Variants in FGF10 observed in about 807,000 individuals in gnomAD.
FGF10 encodes FGF-10.
Under a neutral mutation model 19.8 loss-of-function variants are expected in FGF10, and 2 were observed. The ratio of observed to expected loss-of-function variants is 0.10; its 90% CI spans 0.04 to 0.32. FGF10 has a LOEUF of 0.32. Ranked by LOEUF, FGF10 falls within the 10% of genes least tolerant of loss-of-function variation. The pLI, the probability that FGF10 is intolerant of heterozygous loss-of-function variation, is 1.00. For synonymous variants in FGF10, 112 were observed against 94.0 expected (o/e 1.19, Z -1.10); for missense variants, 191 against 246.3 (o/e 0.78, Z 1.50).
intron 1 of FGF10, among the ~76,000 whole-genome samples, chr5:44,315,030 T>C (rs1364363578): frequency 6.6e-6 from 1 of 151,990 alleles, no homozygotes; most frequent in African/African-American, 2.4e-5. Flanking sequence ...ATAGACTGAG[T>C]AAATTAATTC....
chr5:44,311,371 A>G (rs1306536613), intron 1 of FGF10, among the ~76,000 whole-genome samples: 1 of 152,096 alleles, frequency 6.6e-6, no homozygotes, highest in Non-Finnish European at 1.5e-5. Flanking sequence ...AAGAAGACCT[A>G]GGGAACTAAA....
chr5:44,339,073 G>C (rs73752003), intron 1 of FGF10, among the ~76,000 whole-genome samples: 1 of 152,026 alleles, frequency 6.6e-6, no homozygotes, highest in Non-Finnish European at 1.5e-5. Flanking sequence ...TTCTAAAAGC[G>C]ATCAAAGCAC....
In FGF10 at chr5:44,302,416, T is replaced by C. The variant is rs1412333643; in HGVS notation, c.*2579A>G. Among the ~76,000 whole-genome samples the C allele has an allele frequency of 6.6e-6, 1 of 151,934 alleles. No individual in the cohort carries two copies. The highest frequency in any genetic ancestry group is 1.9e-4 in the East Asian group (1 of 5,186). On this transcript the variant is annotated 3_prime_UTR_variant, in exon 3 of 3. Transcript: ENST00000264664. ...CTTTTTCACCCAGGCTGGAGTGCAA[T>C]GGCAAGATTATAGCTCACTGCAGCC...
At chr5:44,340,967 C>A (rs543764729) in intron 1 of FGF10, among the ~76,000 whole-genome samples, 1 of 151,990 alleles carries the variant, frequency 6.6e-6, no homozygotes, top group East Asian at 1.9e-4. Flanking sequence ...ATGAGAACCA[C>A]CCCCAAGTTA....
intron 1 of FGF10, among the ~76,000 whole-genome samples, chr5:44,352,447 T>C (rs997935925): frequency 1.3e-5 from 2 of 151,518 alleles, no homozygotes; most frequent in African/African-American, 4.8e-5. Flanking sequence ...CCACTGTGCA[T>C]TTCGGGAACT....
intron 1 of FGF10, among the ~76,000 whole-genome samples, chr5:44,340,425 C>T (rs1049361265): frequency 6.6e-6 from 1 of 151,914 alleles, no homozygotes; most frequent in Non-Finnish European, 1.5e-5. Flanking sequence ...GATACAGCAC[C>T]AACCTAATAG....
chr5:44,344,091 G>C (rs538570957), intron 1 of FGF10, among the ~76,000 whole-genome samples: 2 of 151,962 alleles, frequency 1.3e-5, no homozygotes, highest in East Asian at 3.9e-4. Flanking sequence ...CCAGACATAG[G>C]GGCCAACAGA....
chr5:44,340,415 G>T (rs1476773605), intron 1 of FGF10, among the ~76,000 whole-genome samples: 2 of 151,856 alleles, frequency 1.3e-5, no homozygotes, highest in African/African-American at 4.8e-5. Context: ...TTTTAAAAAA[G>T]ATACAGCACC....
In FGF10 at chr5:44,328,944, C is replaced by T. The variant is rs181992527; in HGVS notation, c.326-18414G>A. Among the ~76,000 whole-genome samples the T allele has an allele frequency of 3.9e-5, 6 of 152,196 alleles. No homozygotes were observed. In the East Asian group the frequency reaches 9.7e-4, roughly 25 times the overall value. On this transcript the variant is annotated intron_variant, in intron 1 of 2. Transcript: ENST00000264664. ...CCCAGGAGTTTGAAGCTGCAGTGAG[C>T]CACGATTGCACCATTACAATCCAGC...
chr5:44,348,610 T>C (rs1166999617), intron 1 of FGF10, among the ~76,000 whole-genome samples: 1 of 151,588 alleles, frequency 6.6e-6, no homozygotes, highest in African/African-American at 2.4e-5. Flanking sequence ...AGCAGGTTCC[T>C]AGACTTAGCA....
At chr5:44,340,432 A>AAAAATTTTAAAATATTTCTT (rs1453841929) in intron 1 of FGF10, among the ~76,000 whole-genome samples, 2 of 152,152 alleles carry the variant, frequency 1.3e-5, no homozygotes, top group African/African-American at 4.8e-5. Context: ...CACCAACCTA[A>AAAAATTTTAAAATATTTCTT]TAGAAAAATA....
intron 2 of FGF10, among the ~76,000 whole-genome samples, chr5:44,306,556 C>G (rs778405316): frequency 1.1e-4 from 16 of 152,208 alleles, no homozygotes; most frequent in Non-Finnish European, 2.4e-4. Flanking sequence ...CAGTTGAGGA[C>G]TGTACTTGGC....
chr5:44,382,716 G>T (rs1252525576), intron 1 of FGF10, among the ~76,000 whole-genome samples: 1 of 152,060 alleles, frequency 6.6e-6, no homozygotes, highest in Non-Finnish European at 1.5e-5. Flanking sequence ...AATGACTTGA[G>T]ACAAAATGAA....
intron 1 of FGF10, among the ~76,000 whole-genome samples, chr5:44,323,665 T>G (rs993839151): frequency 1.3e-5 from 2 of 152,176 alleles, no homozygotes; most frequent in African/African-American, 4.8e-5. Flanking sequence ...AAGTCTTGAG[T>G]TAACAAACTA....
chr5:44,337,134 A>G, intron 1 of FGF10, among the ~76,000 whole-genome samples: 1 of 151,920 alleles, frequency 6.6e-6, no homozygotes, highest in African/African-American at 2.4e-5. Context: ...ATGTTATTAC[A>G]TTTTTTTTCT....
Position 44,364,952 on chromosome 5 carries a change from G to T in FGF10, c.325+23406C>A, listed in dbSNP as rs137999801. 2.6e-5 allele frequency among the ~76,000 whole-genome samples: 4 copies of T among 151,944 alleles called. No individual in the cohort carries two copies. The East Asian group carries it at 7.8e-4, about 30-fold the overall frequency. On this transcript the variant is annotated intron_variant, in intron 1 of 2. Coordinates refer to ENST00000264664, the MANE Select transcript of FGF10 (RefSeq NM_004465.2). The stretch of plus-strand genomic sequence containing the variant: ...TACTGAGGAGAAACCAAGGCAAAAT[G>T]AGCTAAAATGAGAGAATAAGAGATA...
At chr5:44,323,954 A>T (rs916459278) in intron 1 of FGF10, among the ~76,000 whole-genome samples, 9 of 152,126 alleles carry the variant, frequency 5.9e-5, no homozygotes, top group Non-Finnish European at 1.3e-4. Context: ...AGAGAGTTTT[A>T]AAAATGCAAA....
At chr5:44,356,061 G>T (rs1040240172) in intron 1 of FGF10, among the ~76,000 whole-genome samples, 3 of 151,382 alleles carry the variant, frequency 2.0e-5, no homozygotes, top group African/African-American at 7.3e-5. Flanking sequence ...CTCTATTCCA[G>T]CTCATAGTCC....
At chr5:44,352,193 C>T (rs922277482) in intron 1 of FGF10, among the ~76,000 whole-genome samples, 3 of 151,572 alleles carry the variant, frequency 2.0e-5, no homozygotes, top group African/African-American at 7.3e-5. Flanking sequence ...ATGCCACTTA[C>T]ACCGTTAGCA....
Sources: gnomAD v4.1 joint callset for allele counts (sites outside exome capture counted in the v4.1 genomes callset) on GRCh38, gnomAD v4.1.1 for gene constraint, MANE v1.5 for transcripts, NCBI Gene and HGNC (gene_info 2026-07-23, HGNC 2026-07-21) for gene names.